Variants in CACNA2D1 observed in about 807,000 individuals in gnomAD.
CACNA2D1 encodes voltage-dependent calcium channel subunit alpha-2/delta-1.
In CACNA2D1, 53 loss-of-function variants were observed where a neutral mutation model predicts 171.5. The ratio of observed to expected loss-of-function variants is 0.31; its 90% confidence interval spans 0.25 to 0.39. CACNA2D1 has a LOEUF of 0.39. Ranked by LOEUF, CACNA2D1 falls within the 10% of genes least tolerant of loss-of-function variation. CACNA2D1 has a pLI of 1.00. For synonymous variants in CACNA2D1, 442 were observed against 443.1 expected, an observed-to-expected ratio of 1.00 and a Z score of 0.03; for missense variants, 903 against 1,299.8, an observed-to-expected ratio of 0.69 and a Z score of 4.69.
intron 3 of CACNA2D1, among the ~76,000 whole-genome samples, chr7:82,232,453 T>A (rs939443852): frequency 2.6e-5 from 4 of 152,174 alleles, no homozygotes; most frequent in African/African-American, 9.7e-5. Flanking sequence ...AAAGCTAAAC[T>A]TAGTTGAAAA....
At chr7:82,344,100 C>T (rs1818984925) in intron 2 of CACNA2D1, among the ~76,000 whole-genome samples, 1 of 152,192 alleles carries the variant, frequency 6.6e-6, no homozygotes, top group African/African-American at 2.4e-5. Flanking sequence ...ACAGATAATT[C>T]TCTGTTGTGA....
intron 1 of CACNA2D1, among the ~76,000 whole-genome samples, chr7:82,440,241 A>G (rs1830391851): frequency 1.3e-5 from 2 of 151,912 alleles, no homozygotes; most frequent in African/African-American, 2.4e-5. Flanking sequence ...TGACTGAGAT[A>G]AAAGTTTGAT....
At chr7:82,283,631 A>C (rs1037551767) in intron 3 of CACNA2D1, among the ~76,000 whole-genome samples, 19 of 152,098 alleles carry the variant, frequency 1.2e-4, no homozygotes, top group African/African-American at 4.3e-4. Flanking sequence ...TGATAGGAGG[A>C]AGATTCTTAT....
intron 4 of CACNA2D1, among the ~76,000 whole-genome samples, chr7:82,164,094 C>A (rs1317908053): frequency 6.6e-6 from 1 of 151,848 alleles, no homozygotes; most frequent in Non-Finnish European, 1.5e-5. Context: ...ATGACTATAC[C>A]AAAGCTGTGT....
intron 3 of CACNA2D1, among the ~76,000 whole-genome samples, chr7:82,254,290 T>C (rs1259499760): frequency 6.6e-6 from 1 of 152,154 alleles, no homozygotes; most frequent in African/African-American, 2.4e-5. Context: ...ATGTTTGTAA[T>C]TGTAGGGAGA....
intron 4 of CACNA2D1, among the ~76,000 whole-genome samples, chr7:82,137,537 C>T (rs1004405710): frequency 6.6e-6 from 1 of 151,898 alleles, no homozygotes; most frequent in Admixed American, 6.6e-5. Flanking sequence ...GATGTGAACA[C>T]ATATTTTTCC....
chr7:81,993,593 C>T (rs373346319), intron 20 of CACNA2D1, among the ~76,000 whole-genome samples: 2 of 151,982 alleles, frequency 1.3e-5, no homozygotes, highest in East Asian at 1.9e-4. Flanking sequence ...TACGTATGCA[C>T]AGTGTTGTAA....
intron 12 of CACNA2D1, chr7:82,020,676 C>T (rs1198482725): frequency 6.6e-6 from 1 of 151,938 alleles, no homozygotes; most frequent in Non-Finnish European, 1.5e-5. Context: ...TAACACCTTC[C>T]TAGATGAGCA....
In CACNA2D1 at chr7:82,121,290, C is replaced by T. The variant is rs145536022; in HGVS notation, c.397-4117G>A. On this transcript the variant is annotated intron_variant, in intron 5 of 38. Transcript: ENST00000356860. ...CAGGCTGGTCTCAAACTCCTGGCCTCAAATAATCCTCCTGCCTCAGCCTCC... is the reference window on the plus strand; with the variant it reads ...CAGGCTGGTCTCAAACTCCTGGCCTTAAATAATCCTCCTGCCTCAGCCTCC... Among the ~76,000 whole-genome samples the T allele has an allele frequency of 6.3e-3, 966 of 152,288 alleles. 16 individuals carry two copies. The highest frequency in any genetic ancestry group is 0.022 in the African/African-American group (916 of 41,568).
intron 5 of CACNA2D1, among the ~76,000 whole-genome samples, chr7:82,134,818 T>C (rs1288915574): frequency 6.6e-6 from 1 of 152,138 alleles, no homozygotes; most frequent in Non-Finnish European, 1.5e-5. Flanking sequence ...TGTAACAATA[T>C]TAGAACAACT....
At chr7:82,193,112 G>A (rs1431083213) in intron 3 of CACNA2D1, among the ~76,000 whole-genome samples, 3 of 151,854 alleles carry the variant, frequency 2.0e-5, no homozygotes, top group Non-Finnish European at 2.9e-5. Context: ...GGATTTAGCC[G>A]AAGCTTTATA....
At chr7:82,316,472 C>A (rs780040833) in intron 3 of CACNA2D1, among the ~76,000 whole-genome samples, 4 of 152,136 alleles carry the variant, frequency 2.6e-5, no homozygotes, top group Non-Finnish European at 4.4e-5. Context: ...CAAATTCTCA[C>A]AAAGAGAACA....
chr7:82,441,460 A>G (rs1585978159), intron 1 of CACNA2D1, among the ~76,000 whole-genome samples: 1 of 152,138 alleles, frequency 6.6e-6, no homozygotes, highest in African/African-American at 2.4e-5. Flanking sequence ...ATCCTTCCAA[A>G]GAAAAGAAAT....
intron 1 of CACNA2D1, among the ~76,000 whole-genome samples, chr7:82,401,197 C>T (rs1300570378): frequency 1.3e-5 from 2 of 152,148 alleles, no homozygotes; most frequent in Admixed American, 1.3e-4. Flanking sequence ...GAAGCCATCC[C>T]ATTACTGGGT....
chr7:82,360,684 A>G (rs1299024325), intron 1 of CACNA2D1, among the ~76,000 whole-genome samples: 1 of 152,226 alleles, frequency 6.6e-6, no homozygotes, highest in African/African-American at 2.4e-5. Context: ...CAATATGCAT[A>G]GAAAATATGA....
intron 3 of CACNA2D1, among the ~76,000 whole-genome samples, chr7:82,249,672 AAAC>A (rs1349961255): frequency 6.6e-6 from 1 of 152,212 alleles, no homozygotes; most frequent in Non-Finnish European, 1.5e-5. Flanking sequence ...CACAACCATC[AAAC>A]AATAATACTG....
intron 6 of CACNA2D1, among the ~76,000 whole-genome samples, chr7:82,086,590 T>C (rs926521967): frequency 2.6e-5 from 4 of 152,176 alleles, no homozygotes; most frequent in Non-Finnish European, 4.4e-5. Flanking sequence ...TTTATATCAA[T>C]ATACAAAATA....
chr7:82,332,510 T>TAAAAG (rs1323648237), intron 3 of CACNA2D1, among the ~76,000 whole-genome samples: 20 of 92,556 alleles, frequency 2.2e-4, no homozygotes, highest in African/African-American at 7.7e-4. Flanking sequence ...AAAAGAAATA[T>TAAAAG]AAAGAAAGAA....
intron 12 of CACNA2D1, chr7:82,020,772 T>C (rs563503767): frequency 6.6e-6 from 1 of 152,258 alleles, no homozygotes; most frequent in Non-Finnish European, 1.5e-5. Flanking sequence ...ATAAGATATA[T>C]CTATACGAAA....
Sources: gnomAD v4.1 joint callset for allele counts (sites outside exome capture counted in the v4.1 genomes callset) on GRCh38, gnomAD v4.1.1 for gene constraint, MANE v1.5 for transcripts, NCBI Gene and HGNC (gene_info 2026-07-23, HGNC 2026-07-21) for gene names.